The following LCA5L variants were observed in gnomAD, a reference collection of about 807,000 sequenced individuals.
The protein encoded by LCA5L is lebercilin-like protein.
In LCA5L, 35 loss-of-function variants were observed where a neutral mutation model predicts 45.4. The observed-to-expected ratio is 0.77, with a 90% CI of 0.59 to 1.02. The LOEUF is 1.02. LCA5L is among the 50% of genes least tolerant of loss of function. The pLI is 0.00. For missense variants in LCA5L, 668 were observed against 761.6 expected, an observed-to-expected ratio of 0.88 and a Z score of 1.45; for synonymous variants, 233 against 264.7, an observed-to-expected ratio of 0.88 and a Z score of 1.16.
At chr21:39,444,904 T>G (rs1192530688) in intron 1 of LCA5L, among the ~76,000 whole-genome samples, 1 of 152,048 alleles carries the variant, frequency 6.6e-6, no homozygotes, top group Non-Finnish European at 1.5e-5. Flanking sequence ...GTGTTTGAGA[T>G]GCCGTAGACA....
intron 3 of LCA5L, among the ~76,000 whole-genome samples, chr21:39,432,858 GTTTTGT>G (rs2075886930): frequency 1.3e-5 from 2 of 152,100 alleles, no homozygotes; most frequent in South Asian, 2.1e-4. Context: ...TAGTTCATTT[GTTTTGT>G]TTTTAAGTTG....
chr21:39,425,293 G>A lies in LCA5L; in HGVS notation c.323-1803C>T, dbSNP rs7276617. On this transcript the variant is annotated intron_variant, in intron 5 of 10. Coordinates refer to ENST00000288350, the MANE Select transcript of LCA5L (RefSeq NM_152505.4). ...TATGTCTGCTCCAGGTGGTGGGAAA[G>A]GCAATTCTACCTGTGATAGAAACAA... 4.2e-3 allele frequency among the ~76,000 whole-genome samples: 646 copies of A among 152,290 alleles called. 6 individuals carry two copies. The highest frequency in any genetic ancestry group is 0.015 in the African/African-American group (609 of 41,560).
chr21:39,408,312 C>T (rs1387221431), intron 10 of LCA5L, among the ~76,000 whole-genome samples: 4 of 152,162 alleles, frequency 2.6e-5, no homozygotes, highest in Non-Finnish European at 5.9e-5. Flanking sequence ...CTTACCTGCA[C>T]CCATTTACAA....
At chr21:39,418,036 G>A (rs1191252001) in intron 7 of LCA5L, among the ~76,000 whole-genome samples, 2 of 152,188 alleles carry the variant, frequency 1.3e-5, no homozygotes, top group African/African-American at 4.8e-5. Flanking sequence ...AAAGTGCTGG[G>A]ATTACAGGCG....
chr21:39,439,095 T>C (rs934783640), intron 2 of LCA5L, among the ~76,000 whole-genome samples: 2 of 152,212 alleles, frequency 1.3e-5, no homozygotes, highest in Admixed American at 1.3e-4. Context: ...GTGGACCTAA[T>C]GTAATCACAT....
At chr21:39,416,478 G>A (rs1348505370) in intron 7 of LCA5L, among the ~76,000 whole-genome samples, 8 of 152,066 alleles carry the variant, frequency 5.3e-5, no homozygotes, top group Non-Finnish European at 1.0e-4. Flanking sequence ...TGTATTTCCT[G>A]CACCAGACCT....
chr21:39,407,706 C>CT (rs2039328350), intron 10 of LCA5L: 1 of 152,230 alleles, frequency 6.6e-6, no homozygotes, highest in Non-Finnish European at 1.5e-5. Context: ...CATTTGCTTC[C>CT]TCCTGTCTCC....
chr21:39,423,243 C>T lies in LCA5L; in HGVS notation c.570G>A (p.Glu190=), dbSNP rs1440741473. The T allele has an allele frequency of 2.5e-6, 4 of 1,610,034 alleles. No individual in the cohort carries two copies. In the South Asian group the frequency reaches 4.5e-5, roughly 18 times the overall value. ...TTTGAGGTAGATTATTTTGTGAATTCTCATATTTTCCTATAGCTTTCAAAT... is the reference window on the plus strand; with the variant it reads ...TTTGAGGTAGATTATTTTGTGAATTTTCATATTTTCCTATAGCTTTCAAAT... ...LRHLKAIGKY[E]NSQNNLPQIM... is the part of the protein sequence containing the mutation. The change falls in exon 6 of 11, where the codon GAG becomes GAA. Residue 190 remains glutamate, a synonymous_variant. Transcript: ENST00000288350.
At chr21:39,437,331 G>A (rs551939687) in intron 2 of LCA5L, among the ~76,000 whole-genome samples, 2 of 152,252 alleles carry the variant, frequency 1.3e-5, no homozygotes, top group East Asian at 3.9e-4. Context: ...ATATTGTTCT[G>A]GAGGTACTAG....
At chr21:39,443,358 TG>T (rs1223637906) in intron 2 of LCA5L, 1 of 152,196 alleles carries the variant, frequency 6.6e-6, no homozygotes, top group African/African-American at 2.4e-5. Flanking sequence ...CCAGCTGAGA[TG>T]GAACAGGTGA....
At chr21:39,413,382 T>C (rs1319440549) in intron 7 of LCA5L, among the ~76,000 whole-genome samples, 1 of 152,244 alleles carries the variant, frequency 6.6e-6, no homozygotes, top group African/African-American at 2.4e-5. Context: ...GACAAGCTTT[T>C]ATCCATTTCT....
intron 10 of LCA5L, chr21:39,407,973 G>A (rs1483099557): frequency 6.6e-6 from 1 of 152,180 alleles, no homozygotes; most frequent in African/African-American, 2.4e-5. Context: ...TACAACTAAG[G>A]TGAGGCCCTT....
At chr21:39,406,855 T>C (rs1462116911) in intron 10 of LCA5L, 1 of 416,870 alleles carries the variant, frequency 2.4e-6, no homozygotes, top group Non-Finnish European at 4.2e-6. Context: ...AAAAATGACA[T>C]TCATAGAAGA....
intron 2 of LCA5L, among the ~76,000 whole-genome samples, chr21:39,441,325 C>T (rs764852063): frequency 7.2e-5 from 11 of 151,908 alleles, no homozygotes; most frequent in Non-Finnish European, 1.6e-4. Flanking sequence ...AAAAACCAAA[C>T]GAACAAAACA....
chr21:39,444,632 T>C (rs1446020036), intron 1 of LCA5L: 1 of 152,046 alleles, frequency 6.6e-6, no homozygotes, highest in Non-Finnish European at 1.5e-5. Flanking sequence ...GCAAGTAAAA[T>C]AATCCACGCA....
chr21:39,433,138 C>T (rs374593874), intron 3 of LCA5L, among the ~76,000 whole-genome samples: 1 of 152,050 alleles, frequency 6.6e-6, no homozygotes, highest in African/African-American at 2.4e-5. Flanking sequence ...TGATCCTGGC[C>T]GGGCACGGTG....
chr21:39,408,568 G>A (rs2039510407), intron 10 of LCA5L: 1 of 152,336 alleles, frequency 6.6e-6, no homozygotes, highest in Non-Finnish European at 1.5e-5. Context: ...TCTTGCCCAT[G>A]GCTGATGAAG....
intron 8 of LCA5L, chr21:39,410,842 A>G (rs1343898823): frequency 4.2e-6 from 2 of 471,096 alleles, no homozygotes; most frequent in Non-Finnish European, 8.8e-6. Flanking sequence ...CTATTATTCT[A>G]GATTATAAGC....
chr21:39,439,983 G>C (rs543470801), intron 2 of LCA5L, among the ~76,000 whole-genome samples: 1 of 152,218 alleles, frequency 6.6e-6, no homozygotes, highest in East Asian at 1.9e-4. Context: ...GAAATGCTAG[G>C]TTCAAATACA....
Sources: gnomAD v4.1 joint callset for allele counts (sites outside exome capture counted in the v4.1 genomes callset) on GRCh38, gnomAD v4.1.1 for gene constraint, MANE v1.5 for transcripts, NCBI Gene and HGNC (gene_info 2026-07-23, HGNC 2026-07-21) for gene names.